Variants in DOK5 observed in about 807,000 individuals in gnomAD.
DOK5 encodes the protein downstream of tyrosine kinase 5.
DOK5 carries 27 observed loss-of-function variants against 43.3 expected under a neutral mutation model. The observed-to-expected ratio is 0.62, with a 90% CI of 0.46 to 0.86. The LOEUF is 0.86. DOK5 is among the 40% of genes least tolerant of loss of function. DOK5 has a pLI of 0.00. For synonymous variants in DOK5, 146 were observed against 140.1 expected (o/e 1.04, Z -0.30); for missense variants, 373 against 392.9 (o/e 0.95, Z 0.43).
At chr20:54,550,095 G>A (rs1984473520) in intron 1 of DOK5, among the ~76,000 whole-genome samples, 1 of 149,694 alleles carries the variant, frequency 6.7e-6, no homozygotes, top group African/African-American at 2.5e-5. Context: ...AAAGGATTTT[G>A]TGCTTGAACT....
chr20:54,540,152 T>C (rs191512210), intron 1 of DOK5, among the ~76,000 whole-genome samples: 78 of 152,206 alleles, frequency 5.1e-4, no homozygotes, highest in African/African-American at 1.7e-3. Flanking sequence ...TTGCTTTTTT[T>C]TTTCAACTCT....
At chr20:54,641,482 T>C (rs1979108440) in intron 6 of DOK5, among the ~76,000 whole-genome samples, 1 of 152,030 alleles carries the variant, frequency 6.6e-6, no homozygotes, top group African/African-American at 2.4e-5. Context: ...TTTTTTTCTT[T>C]AAGAGATTGG....
At chr20:54,484,703 T>C (rs932840207) in intron 1 of DOK5, among the ~76,000 whole-genome samples, 4 of 152,218 alleles carry the variant, frequency 2.6e-5, no homozygotes, top group South Asian at 2.1e-4. Context: ...TTTGTCATTT[T>C]GTCATTTCAA....
chr20:54,613,071 T>C (rs1317580834), intron 6 of DOK5, among the ~76,000 whole-genome samples: 11 of 152,260 alleles, frequency 7.2e-5, no homozygotes, highest in African/African-American at 2.4e-4. Context: ...TGAGCCATCA[T>C]TAGCATTGCT....
chr20:54,563,105 C>T (rs1984965561), intron 2 of DOK5, among the ~76,000 whole-genome samples: 1 of 152,192 alleles, frequency 6.6e-6, no homozygotes, highest in African/African-American at 2.4e-5. Flanking sequence ...CTGCGGCAGC[C>T]ACCAGACCGT....
intron 1 of DOK5, among the ~76,000 whole-genome samples, chr20:54,497,242 A>G (rs1316072313): frequency 4.6e-5 from 7 of 152,242 alleles, no homozygotes; most frequent in African/African-American, 1.7e-4. Context: ...GCCCTGGAAC[A>G]TAATGGGTCC....
chr20:54,609,762 A>C (rs1460208727), intron 5 of DOK5, among the ~76,000 whole-genome samples: 3 of 152,208 alleles, frequency 2.0e-5, no homozygotes, highest in Non-Finnish European at 4.4e-5. Flanking sequence ...GTTAATTATC[A>C]AAACCATACA....
intron 2 of DOK5, among the ~76,000 whole-genome samples, chr20:54,571,862 C>T (rs1029855053): frequency 6.6e-6 from 1 of 152,190 alleles, no homozygotes; most frequent in Admixed American, 6.5e-5. Context: ...TGCCAACTTC[C>T]TCCCATCACT....
intron 7 of DOK5, among the ~76,000 whole-genome samples, chr20:54,646,765 T>A (rs141734775): frequency 1.3e-5 from 2 of 152,296 alleles, no homozygotes; most frequent in East Asian, 3.9e-4. Flanking sequence ...TTGGGAAAAG[T>A]TAATGACTTG....
chr20:54,538,393 G>A (rs1021646852), intron 1 of DOK5, among the ~76,000 whole-genome samples: 1 of 151,936 alleles, frequency 6.6e-6, no homozygotes, highest in African/African-American at 2.4e-5. Flanking sequence ...GGAATGAAGG[G>A]GAAATCAAGA....
chr20:54,650,610 C>G lies in DOK5; in HGVS notation c.*131C>G. 1 of 728,934 alleles carries G rather than the reference C, an allele frequency of 1.4e-6. No individual in the cohort carries two copies. The highest frequency in any genetic ancestry group is 1.9e-5 in the South Asian group (1 of 51,440). 45.2% of individuals were successfully genotyped at this position (728,934 alleles called of 1,614,324 possible). On this transcript the variant is annotated 3_prime_UTR_variant, in exon 8 of 8. Transcript: ENST00000262593. ...TTAAAGTCCTGGCTAATTGTGTGGT[C>G]ATTGGAAAACTCTGCAATACAATAA...
chr20:54,526,893 G>A (rs1983595351), intron 1 of DOK5, among the ~76,000 whole-genome samples: 1 of 152,044 alleles, frequency 6.6e-6, no homozygotes. Flanking sequence ...CTAGAAGGAG[G>A]TAATATCTAT....
In DOK5 at chr20:54,554,944, A is replaced by C; in HGVS notation, c.78A>C (p.Arg26=). Residue 26 remains arginine, a synonymous_variant, in exon 2 of 8, where the codon CGA becomes CGC. Transcript: ENST00000262593. ...IRSRRLGIYQ[R]CWLVFKKASS... is the part of the protein sequence containing the mutation. ...GTATTTCCTTCCAGATTTATCAGCGATGCTGGTTAGTATTCAAGAAAGCTT... is the reference window on the plus strand; with the variant it reads ...GTATTTCCTTCCAGATTTATCAGCGCTGCTGGTTAGTATTCAAGAAAGCTT... The C allele has an allele frequency of 6.2e-7, 1 of 1,611,542 alleles. No individual in the cohort carries two copies. The highest frequency in any genetic ancestry group is 8.5e-7 in the Non-Finnish European group (1 of 1,177,668).
intron 1 of DOK5, among the ~76,000 whole-genome samples, chr20:54,486,580 C>T (rs995050637): frequency 6.6e-5 from 10 of 152,204 alleles, no homozygotes; most frequent in Admixed American, 2.6e-4. Flanking sequence ...TGCACACACA[C>T]ACACACACGA....
chr20:54,531,002 A>C (rs78312160), intron 1 of DOK5, among the ~76,000 whole-genome samples: 2,384 of 152,244 alleles, frequency 0.016, 65 homozygotes, highest in African/African-American at 0.054. Context: ...CCACACTCCT[A>C]TGTGTTATGA....
chr20:54,483,208 G>A (rs1322350704), intron 1 of DOK5, among the ~76,000 whole-genome samples: 1 of 152,146 alleles, frequency 6.6e-6, no homozygotes, highest in Admixed American at 6.5e-5. Flanking sequence ...CCAAATTAGT[G>A]ATATGATTGT....
At chr20:54,646,970 T>G (rs1339658744) in intron 7 of DOK5, among the ~76,000 whole-genome samples, 1 of 151,930 alleles carries the variant, frequency 6.6e-6, no homozygotes, top group African/African-American at 2.4e-5. Context: ...TTTAACAAAT[T>G]GGTTTGAGAA....
At chr20:54,602,794 C>T (rs945034575) in intron 5 of DOK5, among the ~76,000 whole-genome samples, 15 of 152,100 alleles carry the variant, frequency 9.9e-5, no homozygotes, top group African/African-American at 3.6e-4. Context: ...TTACCTCAGC[C>T]TCCCGAGTAG....
chr20:54,486,937 T>G (rs1981957772), intron 1 of DOK5, among the ~76,000 whole-genome samples: 1 of 152,088 alleles, frequency 6.6e-6, no homozygotes, highest in South Asian at 2.1e-4. Context: ...AGCGGAAGAG[T>G]CATGTTTTTG....
Sources: gnomAD v4.1 joint callset for allele counts (sites outside exome capture counted in the v4.1 genomes callset) on GRCh38, gnomAD v4.1.1 for gene constraint, MANE v1.5 for transcripts, NCBI Gene and HGNC (gene_info 2026-07-23, HGNC 2026-07-21) for gene names.